CCZ1B: variants seen among roughly 807,000 people sequenced by gnomAD.
The protein encoded by CCZ1B is vacuolar fusion protein CCZ1 homolog B.
CCZ1B carries 25 observed loss-of-function variants against 58.8 expected under a neutral mutation model. The ratio of observed to expected loss-of-function variants is 0.43; its 90% CI spans 0.31 to 0.59. CCZ1B has a LOEUF of 0.59. CCZ1B is among the 20% of genes least tolerant of loss of function. The probability of loss-of-function intolerance (pLI) is 0.12; values close to 1 mark genes in which losing one functional copy is unlikely to be tolerated. For missense variants in CCZ1B, 180 were observed against 501.5 expected (o/e 0.36, Z 6.12); for synonymous variants, 66 against 173.2 (o/e 0.38, Z 4.86).
intron 8 of CCZ1B, among the ~76,000 whole-genome samples, chr7:6,813,893 C>G (rs1179478850): frequency 6.7e-6 from 1 of 149,394 alleles, no homozygotes; most frequent in Non-Finnish European, 1.5e-5. Flanking sequence ...CGCCTGTAAT[C>G]CCAGCACTTT....
chr7:6,804,133 A>C (rs1401918233), intron 12 of CCZ1B, among the ~76,000 whole-genome samples: 1 of 150,542 alleles, frequency 6.6e-6, no homozygotes, highest in African/African-American at 2.4e-5. Context: ...TATTGAGAAA[A>C]GATAGGCATG....
chr7:6,812,300 C>A, intron 9 of CCZ1B: 1 of 477,842 alleles, frequency 2.1e-6, no homozygotes. Flanking sequence ...GGCAGCCTGG[C>A]CAACATGGCA....
chr7:6,819,336 A>G, intron 7 of CCZ1B, among the ~76,000 whole-genome samples: 1 of 147,142 alleles, frequency 6.8e-6, no homozygotes, highest in East Asian at 1.9e-4. Flanking sequence ...CCCGGGTTCA[A>G]GTGATTCTCC....
At chr7:6,816,102 G>A (rs1008240746) in intron 7 of CCZ1B, among the ~76,000 whole-genome samples, 1 of 147,844 alleles carries the variant, frequency 6.8e-6, no homozygotes, top group African/African-American at 2.6e-5. Context: ...GAAACTAGCA[G>A]GTATCAGACT....
At chr7:6,810,479 G>A (rs1443060427) in intron 10 of CCZ1B, among the ~76,000 whole-genome samples, 1 of 148,176 alleles carries the variant, frequency 6.7e-6, no homozygotes, top group African/African-American at 2.6e-5. Flanking sequence ...TTTTGAGAGG[G>A]TTTCACTCTG....
chr7:6,815,627 A>G (rs1472859722), intron 7 of CCZ1B, among the ~76,000 whole-genome samples: 8 of 148,954 alleles, frequency 5.4e-5, no homozygotes, highest in East Asian at 1.9e-4. Flanking sequence ...CTTTAACATT[A>G]TATCAAGAGG....
chr7:6,820,480 A>AT lies in CCZ1B; in HGVS notation c.523-540_523-539insA, dbSNP rs1562432198. ...GTGTGAGCCACCACGCCTGGCCAAA[A>AT]ATTTTTTTTTTTTTTTGGTATAGAC... On this transcript the variant is annotated intron_variant, in intron 6 of 14. Coordinates refer to ENST00000316731, the MANE Select transcript of CCZ1B (RefSeq NM_198097.5). Among the ~76,000 whole-genome samples, 157 of 147,672 alleles carry AT rather than the reference A, an allele frequency of 1.1e-3. 10 individuals are homozygous for AT. The South Asian group carries it at 0.025, about 24-fold the overall frequency.
intron 7 of CCZ1B, among the ~76,000 whole-genome samples, chr7:6,816,916 G>T (rs540581683): frequency 2.0e-5 from 3 of 149,164 alleles, no homozygotes; most frequent in African/African-American, 7.6e-5. Context: ...ACACCACAAT[G>T]CCCAGCTAAT....
At chr7:6,813,751 T>C (rs1394190300) in intron 8 of CCZ1B, among the ~76,000 whole-genome samples, 2 of 149,488 alleles carry the variant, frequency 1.3e-5, no homozygotes, top group Non-Finnish European at 3.0e-5. Flanking sequence ...CTAAAACATC[T>C]ACTGAAAATT....
intron 7 of CCZ1B, among the ~76,000 whole-genome samples, chr7:6,818,514 A>G (rs1313619142): frequency 6.7e-6 from 1 of 148,776 alleles, no homozygotes; most frequent in East Asian, 1.9e-4. Flanking sequence ...GCGCCACTGT[A>G]CTCCAGCCTG....
Position 6,817,958 on chromosome 7 carries a change from C to G in CCZ1B, c.698+1808G>C, listed in dbSNP as rs1467112238. 3.4e-5 allele frequency among the ~76,000 whole-genome samples: 5 copies of G among 148,014 alleles called. 1 individual carries two copies. ...GGCAGGGGTTGCAGCAAGCCAAGATCATGCCACTGCACTCCAGCCTGGGCA... is the reference window on the plus strand; with the variant it reads ...GGCAGGGGTTGCAGCAAGCCAAGATGATGCCACTGCACTCCAGCCTGGGCA... On this transcript the variant is annotated intron_variant, in intron 7 of 14. Coordinates refer to ENST00000316731, the MANE Select transcript of CCZ1B (RefSeq NM_198097.5).
chr7:6,823,682 C>T (rs1222639984), intron 4 of CCZ1B, among the ~76,000 whole-genome samples: 1 of 152,102 alleles, frequency 6.6e-6, no homozygotes, highest in African/African-American at 2.4e-5. Context: ...CCATCCCTGG[C>T]CAGTTTTTGT....
rs760034008 is a variant in CCZ1B at position 6,817,280 on chromosome 7, A to G, written c.699-2435T>C. On this transcript the variant is annotated intron_variant, in intron 7 of 14. Coordinates refer to ENST00000316731, the MANE Select transcript of CCZ1B (RefSeq NM_198097.5). ...TGTGACTCCAGGCTTCAAAGGGCCA[A>G]CGCTGCTGGTCACTCTGGCTCCAGG... Among the ~76,000 whole-genome samples the G allele has an allele frequency of 3.3e-5, 5 of 151,438 alleles. No homozygotes were observed. The East Asian group carries it at 7.7e-4, about 23-fold the overall frequency.
rs1783161002 is a variant in CCZ1B at position 6,824,334 on chromosome 7, C to A, written c.312+121G>T. On this transcript the variant is annotated intron_variant, in intron 3 of 14. Transcript: ENST00000316731. ...AAGAACTTGATTTTAAAATTGCAAC[C>A]AATTTTATTTTAATTTTACTTGGAT... is the stretch of plus-strand genomic sequence containing the variant. 4.6e-6 allele frequency: 6 copies of A among 1,314,500 alleles called. No individual in the cohort carries two copies. In the South Asian group the frequency reaches 9.4e-5, roughly 21 times the overall value. The allele number at this position is 1,314,500 out of a possible 1,614,324, so 81.4% of individuals were successfully genotyped here.
Position 6,824,136 on chromosome 7 carries a change from T to C in CCZ1B, c.343A>G (p.Ser115Gly). Residue 115 changes from serine to glycine, a missense_variant, in exon 4 of 15, where the codon AGT becomes GGT. Ser to Gly is a moderately conservative substitution (Grantham distance 56). Coordinates refer to ENST00000316731, the MANE Select transcript of CCZ1B (RefSeq NM_198097.5). ...TCAATAACTGGTTTTCCATCTTTAC[T>C]CTGTTTTTCAATTATAGGATTCCGA... ...VVRNPIIEKQSKDGKPVIEYQ... is the reference protein window; with the variant it reads ...VVRNPIIEKQGKDGKPVIEYQ... The C allele has an allele frequency of 6.7e-7, 1 of 1,493,086 alleles. No individual in the cohort carries two copies. Among genetic ancestry groups the C allele is most frequent in the Non-Finnish European group, 9.0e-7 (1 of 1,109,540 alleles). 92.5% of individuals were successfully genotyped at this position (1,493,086 alleles called of 1,614,324 possible). A position where few individuals can be genotyped will look rare whatever the true frequency, so the allele number is the denominator to read the frequency against.
At chr7:6,799,449 A>T in intron 14 of CCZ1B, 170 bp from the exon 15 acceptor site, 1 of 287,194 alleles carries the variant, frequency 3.5e-6, no homozygotes, top group Non-Finnish European at 5.3e-6. Flanking sequence ...TTTGTTTGAG[A>T]CAGAGTCTTG....
At position 6,815,541 on chromosome 7, in the gene CCZ1B, G is replaced by A. The variant is rs192959582; in HGVS notation, c.699-696C>T. 1.6e-4 allele frequency among the ~76,000 whole-genome samples: 24 copies of A among 148,932 alleles called. 2 individuals carry two copies. The highest frequency in any genetic ancestry group is 6.1e-4 in the African/African-American group (24 of 39,294). On this transcript the variant is annotated intron_variant, in intron 7 of 14. Transcript: ENST00000316731. ...TACAGTGGTGTGACCACAGCTTGCT[G>A]CAGCCACCGATTCCCAGGCTCAAGC...
rs139349494 is a variant in CCZ1B at position 6,818,667 on chromosome 7, C to CAGAAAGAA, written c.698+1091_698+1098dup. On this transcript the variant is annotated intron_variant, in intron 7 of 14. Transcript: ENST00000316731. ...AAAGAAAGACAGAAAGAAAGACAGA[C>CAGAAAGAA]AGAAAGAAAGAAAGAAAGAAAGAAA... Among the ~76,000 whole-genome samples the CAGAAAGAA allele has an allele frequency of 4.1e-5, 3 of 73,842 alleles. 1 individual carries two copies. The highest frequency in any genetic ancestry group is 8.6e-5 in the Non-Finnish European group (3 of 34,944). The allele number at this position is 73,842 out of a possible 152,430, so 48.4% of individuals were successfully genotyped here.
intron 7 of CCZ1B, among the ~76,000 whole-genome samples, chr7:6,817,838 C>A (rs1264130658): frequency 6.7e-6 from 1 of 149,000 alleles, no homozygotes; most frequent in Non-Finnish European, 1.5e-5. Flanking sequence ...CATGGTAAAA[C>A]CCCGTCTCTA....
Sources: allele counts gnomAD v4.1 joint callset (sites outside exome capture counted in the v4.1 genomes callset), GRCh38; gene constraint gnomAD v4.1.1; transcripts MANE v1.5; gene names NCBI Gene and HGNC (gene_info 2026-07-23, HGNC 2026-07-21).